The following GALNT18 variants were observed in gnomAD, a reference collection of about 807,000 sequenced individuals.
GALNT18 encodes the protein GalNAc-transferase 18.
GALNT18 carries 44 observed loss-of-function variants against 69.5 expected under a neutral mutation model. That is an observed-to-expected ratio of 0.63 (90% CI 0.50 to 0.81). The LOEUF is 0.81. GALNT18 is among the 40% of genes least tolerant of loss of function. The pLI, the probability that GALNT18 is intolerant of heterozygous loss-of-function variation, is 0.00. For synonymous variants in GALNT18, 364 were observed against 318.2 expected (o/e 1.14, Z -1.53); for missense variants, 715 against 810.0 (o/e 0.88, Z 1.42).
chr11:11,365,368 TACC>T (rs1312648396), intron 6 of GALNT18, among the ~76,000 whole-genome samples: 4 of 152,238 alleles, frequency 2.6e-5, no homozygotes, highest in African/African-American at 9.6e-5. Flanking sequence ...GGTGTATATG[TACC>T]ACATTTTCTT....
At chr11:11,280,317 T>A (rs7129042) in intron 10 of GALNT18, among the ~76,000 whole-genome samples, 2 of 151,866 alleles carry the variant, frequency 1.3e-5, no homozygotes, top group African/African-American at 4.8e-5. Flanking sequence ...GGAATCCCCA[T>A]GCTGAAAGAG....
At chr11:11,311,715 T>C (rs141407033) in intron 9 of GALNT18, among the ~76,000 whole-genome samples, 1 of 152,142 alleles carries the variant, frequency 6.6e-6, no homozygotes, top group Non-Finnish European at 1.5e-5. Context: ...GGAGGGCACA[T>C]CTCTCAAGCT....
intron 3 of GALNT18, among the ~76,000 whole-genome samples, chr11:11,400,243 G>A (rs1487247786): frequency 1.3e-5 from 2 of 152,156 alleles, no homozygotes; most frequent in African/African-American, 2.4e-5. Context: ...ACAACCTCAT[G>A]ATCCAAACCC....
chr11:11,414,740 A>G (rs1854814410), intron 3 of GALNT18, among the ~76,000 whole-genome samples: 1 of 152,230 alleles, frequency 6.6e-6, no homozygotes, highest in Non-Finnish European at 1.5e-5. Flanking sequence ...CCCAGTGTAC[A>G]GCACACTGGC....
At chr11:11,290,769 C>T (rs549489553) in intron 10 of GALNT18, among the ~76,000 whole-genome samples, 15 of 152,262 alleles carry the variant, frequency 9.9e-5, no homozygotes, top group South Asian at 2.1e-4. Context: ...CATTCACAGA[C>T]GGCAGGGCAA....
chr11:11,488,906 G>T (rs1037349855), intron 1 of GALNT18, among the ~76,000 whole-genome samples: 1 of 152,184 alleles, frequency 6.6e-6, no homozygotes, highest in Non-Finnish European at 1.5e-5. Context: ...CACAAGGAAA[G>T]CTCTACTGTA....
intron 1 of GALNT18, among the ~76,000 whole-genome samples, chr11:11,581,053 AT>A (rs1048949436): frequency 6.6e-6 from 1 of 152,224 alleles, no homozygotes; most frequent in Non-Finnish European, 1.5e-5. Context: ...GATAAGGACA[AT>A]TTATGTGCTG....
chr11:11,594,286 C>A (rs185754726), intron 1 of GALNT18, among the ~76,000 whole-genome samples: 2 of 152,190 alleles, frequency 1.3e-5, no homozygotes, highest in Non-Finnish European at 2.9e-5. Context: ...CATTAACAAC[C>A]ACACATTATT....
intron 3 of GALNT18, among the ~76,000 whole-genome samples, chr11:11,394,941 C>T (rs564898124): frequency 3.3e-5 from 5 of 152,288 alleles, no homozygotes; most frequent in South Asian, 2.1e-4. Context: ...GCTGGGCTGG[C>T]CCAGCCAGGG....
intron 3 of GALNT18, among the ~76,000 whole-genome samples, chr11:11,407,340 A>G (rs1052897446): frequency 1.9e-4 from 29 of 152,196 alleles, no homozygotes; most frequent in Admixed American, 9.8e-4. Flanking sequence ...GCACCCTCCA[A>G]TCAGATTAGC....
At chr11:11,367,562 T>G (rs1327962424) in intron 6 of GALNT18, among the ~76,000 whole-genome samples, 1 of 152,176 alleles carries the variant, frequency 6.6e-6, no homozygotes, top group Non-Finnish European at 1.5e-5. Context: ...GAGAGGGGTC[T>G]TTTCTCTGGT....
At chr11:11,375,878 T>G (rs2133683791) in intron 5 of GALNT18, among the ~76,000 whole-genome samples, 1 of 152,360 alleles carries the variant, frequency 6.6e-6, no homozygotes, top group East Asian at 1.9e-4. Context: ...ACATTTTTTC[T>G]TCTGGCAAGG....
At chr11:11,293,542 T>TCTTTC (rs569817091) in intron 9 of GALNT18, among the ~76,000 whole-genome samples, 1 of 135,422 alleles carries the variant, frequency 7.4e-6, no homozygotes, top group Admixed American at 7.6e-5. Flanking sequence ...TCTTTTTTTT[T>TCTTTC]TTTTTTTTTT....
chr11:11,301,313 T>C (rs7112993), intron 9 of GALNT18, among the ~76,000 whole-genome samples: 98,768 of 151,844 alleles, frequency 0.65, 32,903 homozygotes, highest in Admixed American at 0.78. Flanking sequence ...AGAAATGGGC[T>C]CTTTTCCCTC....
At chr11:11,489,954 C>T (rs928992742) in intron 1 of GALNT18, among the ~76,000 whole-genome samples, 3 of 152,174 alleles carry the variant, frequency 2.0e-5, no homozygotes, top group South Asian at 2.1e-4. Context: ...TCTATACTGC[C>T]TCACAACATG....
intron 3 of GALNT18, among the ~76,000 whole-genome samples, chr11:11,424,804 G>A (rs994400290): frequency 5.9e-5 from 9 of 152,168 alleles, no homozygotes; most frequent in African/African-American, 2.2e-4. Context: ...TGGTAGTAAC[G>A]CTGACTTTGG....
chr11:11,295,130 G>A (rs533223937), intron 9 of GALNT18, among the ~76,000 whole-genome samples: 96 of 152,218 alleles, frequency 6.3e-4, no homozygotes, highest in Non-Finnish European at 1.1e-3. Context: ...CAGGTGAGGA[G>A]GGTGAGTAAG....
intron 9 of GALNT18, among the ~76,000 whole-genome samples, chr11:11,324,696 G>A (rs1051734019): frequency 6.6e-6 from 1 of 151,476 alleles, no homozygotes; most frequent in African/African-American, 2.4e-5. Flanking sequence ...TTAGCTGTTT[G>A]TATATTTCTT....
At position 11,603,610 on chromosome 11, in the gene GALNT18, G is replaced by A. The variant is rs1393634737; in HGVS notation, c.235+17749C>T. On this transcript the variant is annotated intron_variant, in intron 1 of 10. Transcript: ENST00000227756. This position sits in a 1 kb window ranked among gnomAD's most constrained non-coding sequence, Gnocchi z 4.5. The stretch of plus-strand genomic sequence containing the variant: ...ACTGAATATTCATAATCTTCATGTT[G>A]CCACAAAGGCTATATTTTTAAATGT... 6.6e-6 allele frequency among the ~76,000 whole-genome samples: 1 copy of A among 152,012 alleles called. No homozygotes were observed. The highest frequency in any genetic ancestry group is 2.4e-5 in the African/African-American group (1 of 41,364).
Sources: allele counts gnomAD v4.1 joint callset (sites outside exome capture counted in the v4.1 genomes callset), GRCh38; gene constraint gnomAD v4.1.1; non-coding constraint Gnocchi (gnomAD v3.1); transcripts MANE v1.5; gene names NCBI Gene and HGNC (gene_info 2026-07-23, HGNC 2026-07-21).